Variants in UNC13C observed in about 807,000 individuals in gnomAD.
The protein encoded by UNC13C is unc-13 homolog C.
A neutral mutation model predicts 245.4 loss-of-function variants in UNC13C; 174 were observed. The observed-to-expected ratio is 0.71, with a 90% CI of 0.63 to 0.80. The LOEUF (loss-of-function observed/expected upper bound fraction) is 0.80, where lower values mean the gene tolerates loss of function less well. Ranked by LOEUF, UNC13C falls within the 30% of genes least tolerant of loss-of-function variation. The probability of loss-of-function intolerance (pLI) is 0.00; values close to 1 mark genes in which losing one functional copy is unlikely to be tolerated. For synonymous variants in UNC13C, 992 were observed against 895.1 expected, an observed-to-expected ratio of 1.11 and a Z score of -1.93; for missense variants, 2,829 against 2,602.9, an observed-to-expected ratio of 1.09 and a Z score of -1.89.
intron 25 of UNC13C, among the ~76,000 whole-genome samples, chr15:54,526,556 C>A (rs1209921111): frequency 3.3e-5 from 5 of 151,454 alleles, no homozygotes; most frequent in Admixed American, 2.0e-4. Flanking sequence ...ACAGTGAAAC[C>A]CCGTCTCTAC....
intron 13 of UNC13C, among the ~76,000 whole-genome samples, chr15:54,304,520 C>T (rs1036571008): frequency 2.0e-5 from 3 of 151,930 alleles, no homozygotes; most frequent in African/African-American, 4.8e-5. Context: ...ATCGCCCTGA[C>T]GTCCGTTTCC....
chr15:54,160,724 C>T (rs1048289228), intron 4 of UNC13C, among the ~76,000 whole-genome samples: 5 of 152,086 alleles, frequency 3.3e-5, no homozygotes, highest in African/African-American at 1.2e-4. Flanking sequence ...CAGTTGCTAT[C>T]AGTATTAAAT....
At chr15:54,172,956 A>G (rs1176672688) in intron 4 of UNC13C, among the ~76,000 whole-genome samples, 1 of 151,438 alleles carries the variant, frequency 6.6e-6, no homozygotes, top group Non-Finnish European at 1.5e-5. Context: ...TTATATGAAC[A>G]TACAGCTGTT....
At chr15:54,313,273 A>G (rs1596199241) in intron 13 of UNC13C, among the ~76,000 whole-genome samples, 1 of 151,808 alleles carries the variant, frequency 6.6e-6, no homozygotes. Flanking sequence ...ACATAATTGG[A>G]TGTCTTCATA....
chr15:53,921,855 T>C, the UNC13C span, among the ~76,000 whole-genome samples: 2 of 152,332 alleles, frequency 1.3e-5, no homozygotes, highest in African/African-American at 2.4e-5. Context: ...GAATGGACTT[T>C]AAGGGTCATT....
chr15:53,893,507 A>G, the UNC13C span, among the ~76,000 whole-genome samples: 6 of 152,268 alleles, frequency 3.9e-5, no homozygotes, highest in East Asian at 1.2e-3. Context: ...TTTTATCTAT[A>G]AGTCCCTGAC....
intron 4 of UNC13C, among the ~76,000 whole-genome samples, chr15:54,174,411 G>A (rs1044048081): frequency 3.3e-5 from 5 of 152,126 alleles, no homozygotes; most frequent in African/African-American, 9.7e-5. Flanking sequence ...TCATTTATTT[G>A]TGGAGAGATT....
chr15:54,373,597 AT>A (rs2039541476), intron 17 of UNC13C, among the ~76,000 whole-genome samples: 1 of 152,134 alleles, frequency 6.6e-6, no homozygotes, highest in South Asian at 2.1e-4. Flanking sequence ...ACCAGGGAAC[AT>A]GGTGGTGCCT....
chr15:54,051,152 G>T (rs1284867654), intron 2 of UNC13C, among the ~76,000 whole-genome samples: 1 of 151,860 alleles, frequency 6.6e-6, no homozygotes, highest in African/African-American at 2.4e-5. Context: ...ATCTTTTATT[G>T]CATCTGTATT....
chr15:54,018,723 TC>T (rs1895769452), intron 2 of UNC13C, among the ~76,000 whole-genome samples: 1 of 152,170 alleles, frequency 6.6e-6, no homozygotes, highest in Non-Finnish European at 1.5e-5. Context: ...TCCTCAAAAT[TC>T]CCATGTACTT....
chr15:53,932,986 T>C, the UNC13C span, among the ~76,000 whole-genome samples: 2 of 152,198 alleles, frequency 1.3e-5, no homozygotes, highest in Non-Finnish European at 2.9e-5. Context: ...CATCCAGTCA[T>C]CAACCCAGGA....
chr15:54,229,865 G>C (rs1254769923), intron 4 of UNC13C, among the ~76,000 whole-genome samples: 1 of 152,036 alleles, frequency 6.6e-6, no homozygotes, highest in African/African-American at 2.4e-5. Flanking sequence ...ATGTCATCAA[G>C]ATCATGTGGT....
At chr15:54,246,230 A>T (rs1020671938) in intron 7 of UNC13C, among the ~76,000 whole-genome samples, 1 of 152,174 alleles carries the variant, frequency 6.6e-6, no homozygotes, top group Admixed American at 6.5e-5. Flanking sequence ...AGAAAGTTCT[A>T]ACAAAATATT....
At chr15:54,348,295 G>T (rs1298071217) in intron 17 of UNC13C, among the ~76,000 whole-genome samples, 1 of 152,132 alleles carries the variant, frequency 6.6e-6, no homozygotes, top group Non-Finnish European at 1.5e-5. Flanking sequence ...CCGCTAGACA[G>T]AATGTGGACC....
At chr15:54,594,329 A>G (rs1410415016) in intron 30 of UNC13C, among the ~76,000 whole-genome samples, 1 of 151,996 alleles carries the variant, frequency 6.6e-6, no homozygotes, top group African/African-American at 2.4e-5. Flanking sequence ...CGCTTTCCAG[A>G]AAGCATCAGC....
intron 17 of UNC13C, among the ~76,000 whole-genome samples, chr15:54,351,932 C>T (rs2038992344): frequency 6.6e-6 from 1 of 151,962 alleles, no homozygotes; most frequent in Admixed American, 6.6e-5. Context: ...GGTAGTAGAA[C>T]TCTGATTCTA....
intron 30 of UNC13C, among the ~76,000 whole-genome samples, chr15:54,619,958 A>C (rs747962983): frequency 1.3e-5 from 2 of 152,190 alleles, no homozygotes; most frequent in East Asian, 1.9e-4. Context: ...ATGACTATTA[A>C]GCAATAACAG....
At chr15:54,321,031 A>G (rs2038142170) in intron 13 of UNC13C, 2 of 458,154 alleles carry the variant, frequency 4.4e-6, no homozygotes, top group African/African-American at 2.0e-5. Flanking sequence ...CGTTTCCTCC[A>G]TGACCAAAGT....
At chr15:53,874,059 C>A in the UNC13C span, among the ~76,000 whole-genome samples, 3 of 151,878 alleles carry the variant, frequency 2.0e-5, no homozygotes, top group Non-Finnish European at 4.4e-5. Context: ...TCACTACAGC[C>A]TTGACCTCTA....
Sources: gnomAD v4.1 joint callset for allele counts (sites outside exome capture counted in the v4.1 genomes callset) on GRCh38, gnomAD v4.1.1 for gene constraint, MANE v1.5 for transcripts, NCBI Gene and HGNC (gene_info 2026-07-23, HGNC 2026-07-21) for gene names.